Variants in AUH observed in about 807,000 individuals in gnomAD.
AUH encodes methylglutaconyl-CoA hydratase, mitochondrial.
AUH carries 29 observed loss-of-function variants against 42.3 expected under a neutral mutation model. The ratio of observed to expected loss-of-function variants is 0.69; its 90% CI spans 0.51 to 0.93. The LOEUF is 0.93. AUH is among the 40% of genes least tolerant of loss of function. The pLI is 0.00. For synonymous variants in AUH, 174 were observed against 166.4 expected (o/e 1.05, Z -0.35); for missense variants, 452 against 438.1 (o/e 1.03, Z -0.28).
In AUH at chr9:91,323,191, G is replaced by A. The variant is rs1290617892; in HGVS notation, c.505+2127C>T. On this transcript the variant is annotated intron_variant, in intron 4 of 9. Transcript: ENST00000375731. The stretch of plus-strand genomic sequence containing the variant: ...AAATATGAATATGTAAGGTTAAAAT[G>A]TTGGGGGAGGAGATAAAAACTGCAT... Among the ~76,000 whole-genome samples the A allele has an allele frequency of 1.3e-5, 2 of 152,182 alleles. 1 individual carries two copies. The highest frequency in any genetic ancestry group is 3.8e-4 in the East Asian group (2 of 5,202).
chr9:91,253,997 T>A (rs1168831400), intron 6 of AUH, among the ~76,000 whole-genome samples: 1 of 152,200 alleles, frequency 6.6e-6, no homozygotes, highest in Non-Finnish European at 1.5e-5. Flanking sequence ...TCCAACTAAT[T>A]ACATTTCCAA....
At position 91,217,334 on chromosome 9, in the gene AUH, T is replaced by C; in HGVS notation, c.844-7A>G. The C allele has an allele frequency of 6.2e-7, 1 of 1,612,502 alleles. No individual in the cohort carries two copies. Among genetic ancestry groups the C allele is most frequent in the Non-Finnish European group, 8.5e-7 (1 of 1,178,716 alleles). On this transcript the variant is annotated splice_polypyrimidine_tract_variant and splice_region_variant and intron_variant, in intron 7 of 9. Coordinates refer to ENST00000375731, the MANE Select transcript of AUH (RefSeq NM_001698.3). ...CTCTCATTGCAACAGGTCCCTAAAA[T>C]TCAAATTAAAGAAACAGACTTCAAT...
At chr9:91,327,573 T>A (rs1009048941) in intron 3 of AUH, among the ~76,000 whole-genome samples, 2 of 152,184 alleles carry the variant, frequency 1.3e-5, no homozygotes, top group East Asian at 3.9e-4. Context: ...AATAAAATTC[T>A]TCTCTGCCTT....
chr9:91,251,821 G>T (rs1454246208), intron 6 of AUH, among the ~76,000 whole-genome samples: 2 of 150,786 alleles, frequency 1.3e-5, no homozygotes, highest in African/African-American at 4.9e-5. Context: ...GTGGTAAGGG[G>T]TTGATAAATA....
chr9:91,343,724 C>T (rs1423484165), intron 3 of AUH, among the ~76,000 whole-genome samples: 1 of 151,988 alleles, frequency 6.6e-6, no homozygotes, highest in African/African-American at 2.4e-5. Context: ...AGAGCAAGAC[C>T]CTGTCTCAAA....
At chr9:91,337,435 A>G (rs1219120412) in intron 3 of AUH, among the ~76,000 whole-genome samples, 1 of 152,136 alleles carries the variant, frequency 6.6e-6, no homozygotes, top group African/African-American at 2.4e-5. Context: ...ATCTACCCCC[A>G]CATCCAGGAG....
intron 4 of AUH, among the ~76,000 whole-genome samples, chr9:91,324,930 A>G (rs1829866071): frequency 6.6e-6 from 1 of 152,082 alleles, no homozygotes; most frequent in South Asian, 2.1e-4. Flanking sequence ...ATACAGCAGT[A>G]AATTAAAAAT....
intron 6 of AUH, among the ~76,000 whole-genome samples, chr9:91,234,867 A>ATTGGG (rs1173725149): frequency 6.7e-6 from 1 of 148,690 alleles, no homozygotes; most frequent in African/African-American, 2.5e-5. Flanking sequence ...ACTAATTTAG[A>ATTGGG]TTGGGTGGTT....
intron 1 of AUH, among the ~76,000 whole-genome samples, chr9:91,359,747 T>C (rs1314653088): frequency 6.6e-6 from 1 of 152,174 alleles, no homozygotes; most frequent in Non-Finnish European, 1.5e-5. Flanking sequence ...AGAGTTATCC[T>C]ATTCCTTAGA....
At chr9:91,336,752 C>A (rs1166050133) in intron 3 of AUH, among the ~76,000 whole-genome samples, 3 of 151,778 alleles carry the variant, frequency 2.0e-5, no homozygotes, top group Non-Finnish European at 4.4e-5. Context: ...AAAGCTGAAT[C>A]TAGGTTTCAA....
chr9:91,300,776 A>T (rs1275217413), intron 4 of AUH, among the ~76,000 whole-genome samples: 2 of 152,130 alleles, frequency 1.3e-5, no homozygotes, highest in Admixed American at 1.3e-4. Context: ...ACTACTTAAA[A>T]CAGCTCCAAA....
intron 1 of AUH, among the ~76,000 whole-genome samples, chr9:91,358,033 C>A (rs960836428): frequency 6.6e-6 from 1 of 152,080 alleles, no homozygotes; most frequent in Non-Finnish European, 1.5e-5. Flanking sequence ...AGACACAATT[C>A]GAGTCCAATC....
chr9:91,268,856 C>T (rs1824874517), intron 6 of AUH, among the ~76,000 whole-genome samples: 1 of 152,076 alleles, frequency 6.6e-6, no homozygotes, highest in South Asian at 2.1e-4. Context: ...TAAATATATT[C>T]AAGGATATGC....
chr9:91,267,444 G>A (rs922366806), intron 6 of AUH, among the ~76,000 whole-genome samples: 1 of 152,050 alleles, frequency 6.6e-6, no homozygotes, highest in Non-Finnish European at 1.5e-5. Flanking sequence ...CCCTTCTTAC[G>A]GTGTCTTGCT....
intron 6 of AUH, among the ~76,000 whole-genome samples, chr9:91,223,157 C>T (rs1827231186): frequency 6.6e-6 from 1 of 152,142 alleles, no homozygotes; most frequent in Non-Finnish European, 1.5e-5. Context: ...AGGTATGGTG[C>T]AGAAGAGAGC....
chr9:91,298,499 G>C (rs945421868), intron 4 of AUH, among the ~76,000 whole-genome samples: 9 of 152,316 alleles, frequency 5.9e-5, no homozygotes, highest in Admixed American at 3.9e-4. Context: ...TGGAATGACA[G>C]AGTCTCATTC....
intron 6 of AUH, among the ~76,000 whole-genome samples, chr9:91,276,552 C>T (rs756323392): frequency 1.3e-4 from 20 of 151,996 alleles, no homozygotes; most frequent in South Asian, 6.2e-4. Flanking sequence ...CAATAACAAA[C>T]GAGAACAAAA....
At chr9:91,309,456 T>A (rs1158813557) in intron 4 of AUH, among the ~76,000 whole-genome samples, 2 of 152,178 alleles carry the variant, frequency 1.3e-5, no homozygotes, top group Non-Finnish European at 2.9e-5. Context: ...ATGTGGTATA[T>A]ATACACCATG....
At chr9:91,284,375 G>A (rs1215613045) in intron 6 of AUH, among the ~76,000 whole-genome samples, 1 of 152,098 alleles carries the variant, frequency 6.6e-6, no homozygotes, top group Non-Finnish European at 1.5e-5. Flanking sequence ...AGAAAACCTA[G>A]GCAATACCAT....
Sources: allele counts gnomAD v4.1 joint callset (sites outside exome capture counted in the v4.1 genomes callset), GRCh38; gene constraint gnomAD v4.1.1; transcripts MANE v1.5; gene names NCBI Gene and HGNC (gene_info 2026-07-23, HGNC 2026-07-21).